FPGT: variants seen among roughly 807,000 people sequenced by gnomAD.
FPGT encodes the protein fucose-1-phosphate guanylyltransferase.
A neutral mutation model predicts 45.8 loss-of-function variants in FPGT; 41 were observed. The observed-to-expected ratio is 0.90, with a 90% CI of 0.70 to 1.16. The LOEUF is 1.16. Ranked by LOEUF, FPGT falls within the 50% of genes most tolerant of loss-of-function variation. The pLI is 0.00. For synonymous variants in FPGT, 292 were observed against 247.2 expected (o/e 1.18, Z -1.70); for missense variants, 755 against 689.1 (o/e 1.10, Z -1.07).
At chr1:74,203,545 C>T (rs1449182649) in intron 3 of FPGT, among the ~76,000 whole-genome samples, 2 of 151,844 alleles carry the variant, frequency 1.3e-5, no homozygotes, top group African/African-American at 4.8e-5. Context: ...GCGCCCGCCA[C>T]CACGCCCAGC....
chr1:74,204,699 G>T lies in FPGT; in HGVS notation c.652G>T (p.Asp218Tyr), dbSNP rs768496054. Residue 218 changes from aspartate to tyrosine, a missense_variant, in exon 4 of 4, where the codon GAC becomes TAC. Physicochemically the swap from Asp to Tyr is radical, Grantham distance 160. Coordinates refer to ENST00000370898, the MANE Select transcript of FPGT (RefSeq NM_003838.5). ...LDPFDDLKHR[D>Y]LEYRSCHRFL... ...TCCTTTTGATGATTTAAAACATAGA[G>T]ACCTTGAATACAGGTCTTGCCATCG... 1 of 1,613,666 alleles carries T rather than the reference G, an allele frequency of 6.2e-7. No homozygotes were observed. Among genetic ancestry groups the T allele is most frequent in the Non-Finnish European group, 8.5e-7 (1 of 1,179,646 alleles).
intron 3 of FPGT, 40 bp from the exon 4 acceptor site, chr1:74,204,347 ATAAT>A (rs1442225669): frequency 7.0e-7 from 1 of 1,427,520 alleles, no homozygotes; most frequent in African/African-American, 1.4e-5. Context: ...AATTTTATAA[ATAAT>A]ACTGCATTTT....
At chr1:74,203,381 T>C (rs1055175287) in intron 3 of FPGT, among the ~76,000 whole-genome samples, 1 of 141,022 alleles carries the variant, frequency 7.1e-6, no homozygotes, top group Non-Finnish European at 1.6e-5. Context: ...TTTTATTTTC[T>C]GTGAAGTAGA....
rs934390746 is a variant in FPGT, at chr1:74,205,913, C to T, written c.*81C>T. ...ATTTTTTGTAGGCTGTTTCACTGAACTCAGTTAATGAAAACTGTATTAACA... is the reference window on the plus strand; with the variant it reads ...ATTTTTTGTAGGCTGTTTCACTGAATTCAGTTAATGAAAACTGTATTAACA... On this transcript the variant is annotated 3_prime_UTR_variant, in exon 4 of 4. Coordinates refer to ENST00000370898, the MANE Select transcript of FPGT (RefSeq NM_003838.5). The T allele has an allele frequency of 3.8e-5, 29 of 756,314 alleles. No homozygotes were observed. Among genetic ancestry groups the T allele is most frequent in the Non-Finnish European group, 5.5e-5 (25 of 458,524 alleles). The allele number at this position is 756,314 out of a possible 1,614,324, so 46.9% of individuals were successfully genotyped here.
At chr1:74,199,345 T>G (rs966966666) in intron 1 of FPGT, among the ~76,000 whole-genome samples, 2 of 152,212 alleles carry the variant, frequency 1.3e-5, no homozygotes, top group Non-Finnish European at 2.9e-5. Flanking sequence ...GAGGCAATAG[T>G]CTTTGGCAAG....
chr1:74,199,984 A>C (rs1651637302), intron 2 of FPGT, 153 bp downstream of exon 2: 1 of 905,112 alleles, frequency 1.1e-6, no homozygotes, highest in African/African-American at 1.7e-5. Context: ...TTTTTTAGAA[A>C]GATAAAAGGA....
Position 74,208,225 on chromosome 1 carries a change from C to G in FPGT, c.*2393C>G, listed in dbSNP as rs879475134. 3.4e-5 allele frequency among the ~76,000 whole-genome samples: 5 copies of G among 148,176 alleles called. No homozygotes were observed. The highest frequency in any genetic ancestry group is 6.7e-5 in the Admixed American group (1 of 14,926). On this transcript the variant is annotated 3_prime_UTR_variant, in exon 4 of 4. Coordinates refer to ENST00000370898, the MANE Select transcript of FPGT (RefSeq NM_003838.5). Reference sequence around the variant, plus strand: ...TAAGTATGTGTTTTAATAAAAGGATCTAGGCAAAAAAAAAAAAAGTAAGTC... The same window carrying G: ...TAAGTATGTGTTTTAATAAAAGGATGTAGGCAAAAAAAAAAAAAGTAAGTC...
rs766713115 is a variant in FPGT at position 74,205,133 on chromosome 1, C to G, written c.1086C>G (p.Thr362=). Residue 362 remains threonine (T), a synonymous_variant, in exon 4 of 4, where the codon ACC becomes ACG. Coordinates refer to ENST00000370898, the MANE Select transcript of FPGT (RefSeq NM_003838.5). The part of the protein sequence containing the change: ...NNSKFYHIGT[T]EEYLFYFTSD... ...CCAAATTTTATCACATTGGAACAAC[C>G]GAAGAATATTTGTTTTACTTTACCT... The G allele has an allele frequency of 6.2e-7, 1 of 1,613,216 alleles. No individual in the cohort carries two copies. Among genetic ancestry groups the G allele is most frequent in the Non-Finnish European group, 8.5e-7 (1 of 1,179,304 alleles).
Position 74,205,827 on chromosome 1 carries a change from A to T in FPGT, c.1780A>T (p.Met594Leu). The T allele has an allele frequency of 2.6e-6, 4 of 1,515,566 alleles. No homozygotes were observed. The highest frequency in any genetic ancestry group is 3.6e-6 in the Non-Finnish European group (4 of 1,102,944). 93.9% of individuals were successfully genotyped at this position (1,515,566 alleles called of 1,614,324 possible). The change falls in exon 4 of 4, where the codon ATG becomes TTG. Residue 594 changes from methionine (M) to leucine (L), a missense_variant. Coordinates refer to ENST00000370898, the MANE Select transcript of FPGT (RefSeq NM_003838.5). Reference sequence around the variant, plus strand: ...AGAAATCAGTTTAAAAAGCAGTTTGATGTAGAGATATTTTAAATATTGTAC... The same window carrying T: ...AGAAATCAGTTTAAAAAGCAGTTTGTTGTAGAGATATTTTAAATATTGTAC... ...FLEISLKSSLM is the reference protein window; with the variant it reads ...FLEISLKSSLL
At chr1:74,203,185 C>G (rs1467572553) in intron 3 of FPGT, among the ~76,000 whole-genome samples, 2 of 152,048 alleles carry the variant, frequency 1.3e-5, no homozygotes, top group East Asian at 3.9e-4. Flanking sequence ...TTTGTTTATA[C>G]CAGCATCACC....
chr1:74,203,202 G>T (rs959859665), intron 3 of FPGT, among the ~76,000 whole-genome samples: 9 of 152,238 alleles, frequency 5.9e-5, no homozygotes, highest in Non-Finnish European at 7.4e-5. Flanking sequence ...CACCACTTGA[G>T]TGGTGCATCG....
chr1:74,199,264 G>A (rs944795), intron 1 of FPGT, among the ~76,000 whole-genome samples: 5 of 151,968 alleles, frequency 3.3e-5, no homozygotes, highest in Admixed American at 2.6e-4. Context: ...CCAAGTGTCC[G>A]TGATACATAA....
chr1:74,202,726 ACT>A (rs1651912997), intron 3 of FPGT, among the ~76,000 whole-genome samples: 1 of 152,060 alleles, frequency 6.6e-6, no homozygotes, highest in South Asian at 2.1e-4. Context: ...AATTTTTTTG[ACT>A]CTCTTGTAAT....
In FPGT at chr1:74,198,262, T is replaced by C. The variant is rs1445625365; in HGVS notation, c.-17T>C. The C allele has an allele frequency of 6.2e-7, 1 of 1,612,936 alleles. No individual in the cohort carries two copies. Among genetic ancestry groups the C allele is most frequent in the Admixed American group, 1.7e-5 (1 of 59,902 alleles). On this transcript the variant is annotated 5_prime_UTR_variant, in exon 1 of 4. Transcript: ENST00000370898. ...CGCATGCGTGCTGTGCGGCGCGGTC[T>C]CAGGGAAGGTGGGGCTATGGCAGCT...
intron 2 of FPGT, among the ~76,000 whole-genome samples, chr1:74,200,068 A>AGTTTTAAT: frequency 6.6e-6 from 1 of 152,334 alleles, no homozygotes; most frequent in Non-Finnish European, 1.5e-5. Context: ...AAATTTTATT[A>AGTTTTAAT]GTTTTAATGA....
chr1:74,200,839 T>G (rs1295369721), intron 2 of FPGT: 1 of 155,402 alleles, frequency 6.4e-6, no homozygotes, highest in Admixed American at 6.5e-5. Context: ...GTTAAGTAAC[T>G]GGCCCAAGAT....
Position 74,206,529 on chromosome 1 carries a change from C to T in FPGT, c.*697C>T, listed in dbSNP as rs978641455. On this transcript the variant is annotated 3_prime_UTR_variant, in exon 4 of 4. Transcript: ENST00000370898. ...AAAACACACATATGCACACAAAACT[C>T]AGTTATCTGTGGGGAAAGTGGTAGT... 6.6e-6 allele frequency: 1 copy of T among 152,062 alleles called. No homozygotes were observed. The highest frequency in any genetic ancestry group is 1.5e-5 in the Non-Finnish European group (1 of 67,936). 9.4% of individuals were successfully genotyped at this position (152,062 alleles called of 1,614,324 possible).
At chr1:74,202,594 C>T (rs1467923762) in intron 3 of FPGT, among the ~76,000 whole-genome samples, 10 of 151,942 alleles carry the variant, frequency 6.6e-5, no homozygotes, top group Non-Finnish European at 1.5e-5. Context: ...AAAACAGAAA[C>T]TTATTAGCTC....
At chr1:74,201,187 T>C in intron 2 of FPGT, 131 bp from the exon 3 acceptor site, 1 of 633,542 alleles carries the variant, frequency 1.6e-6, no homozygotes, top group Non-Finnish European at 2.7e-6. Context: ...CCAATACCTT[T>C]GATGTCCATC....
Sources: allele counts gnomAD v4.1 joint callset (sites outside exome capture counted in the v4.1 genomes callset), GRCh38; gene constraint gnomAD v4.1.1; transcripts MANE v1.5; gene names NCBI Gene and HGNC (gene_info 2026-07-23, HGNC 2026-07-21).